Variants in IMPG1 observed in about 807,000 individuals in gnomAD.
The protein encoded by IMPG1 is interphotoreceptor matrix proteoglycan of 150 kDa.
A neutral mutation model predicts 92.0 loss-of-function variants in IMPG1; 85 were observed. The ratio of observed to expected loss-of-function variants is 0.92; its 90% CI spans 0.78 to 1.11. IMPG1 has a LOEUF of 1.11. Ranked by LOEUF, IMPG1 falls within the 50% of genes least tolerant of loss-of-function variation. IMPG1 has a pLI of 0.00. For synonymous variants in IMPG1, 367 were observed against 334.1 expected, an observed-to-expected ratio of 1.10 and a Z score of -1.08; for missense variants, 1,022 against 956.0, an observed-to-expected ratio of 1.07 and a Z score of -0.91.
chr6:76,023,048 A>G (rs942766650), intron 5 of IMPG1, among the ~76,000 whole-genome samples: 1 of 152,192 alleles, frequency 6.6e-6, no homozygotes, highest in Non-Finnish European at 1.5e-5. Flanking sequence ...TGCGGTCACA[A>G]GTGGTTACTT....
intron 1 of IMPG1, among the ~76,000 whole-genome samples, chr6:76,058,393 A>G (rs975298200): frequency 4.6e-5 from 7 of 152,192 alleles, no homozygotes; most frequent in African/African-American, 1.7e-4. Context: ...TGCTATAGCC[A>G]TCTTAGGAGT....
intron 1 of IMPG1, among the ~76,000 whole-genome samples, chr6:76,070,955 C>G (rs1328785886): frequency 6.6e-6 from 1 of 151,714 alleles, no homozygotes; most frequent in Non-Finnish European, 1.5e-5. Context: ...CACTTGTACT[C>G]CCTAAATCTA....
At chr6:76,005,100 C>T (rs543166500) in intron 10 of IMPG1, among the ~76,000 whole-genome samples, 187 bp downstream of exon 10, 4 of 152,052 alleles carry the variant, frequency 2.6e-5, no homozygotes, top group Non-Finnish European at 5.9e-5. Context: ...AAGTGGGTAC[C>T]AAAGACTCAT....
chr6:76,029,905 G>C (rs1256035701), intron 4 of IMPG1, among the ~76,000 whole-genome samples: 1 of 151,998 alleles, frequency 6.6e-6, no homozygotes, highest in Non-Finnish European at 1.5e-5. Context: ...TTTGGCTTTT[G>C]ATAAGGAGTC....
chr6:76,017,263 T>C (rs565775512), intron 7 of IMPG1, among the ~76,000 whole-genome samples: 1 of 151,456 alleles, frequency 6.6e-6, no homozygotes, highest in East Asian at 1.9e-4. Context: ...AGTAGCTGGA[T>C]TTATCCTGCA....
chr6:75,991,741 C>A (rs895829476), intron 12 of IMPG1, among the ~76,000 whole-genome samples: 3 of 152,190 alleles, frequency 2.0e-5, no homozygotes, highest in Admixed American at 2.0e-4. Flanking sequence ...CAAACACATT[C>A]TTTTATATTA....
chr6:75,968,593 CTTTCTCCA>C (rs935284897), intron 12 of IMPG1, among the ~76,000 whole-genome samples: 2 of 145,480 alleles, frequency 1.4e-5, no homozygotes, highest in Non-Finnish European at 3.0e-5. Flanking sequence ...TTTTTTTTTA[CTTTCTCCA>C]TCATTTACTA....
intron 9 of IMPG1, 129 bp downstream of exon 9, chr6:76,007,351 A>G: frequency 1.5e-6 from 1 of 647,452 alleles, no homozygotes; most frequent in Admixed American, 3.5e-5. Context: ...TTCCATTTAA[A>G]TAAGAAACCA....
chr6:76,053,593 C>T, intron 1 of IMPG1, among the ~76,000 whole-genome samples: 1 of 152,146 alleles, frequency 6.6e-6, no homozygotes, highest in East Asian at 1.9e-4. Flanking sequence ...CTGGTTCCAG[C>T]TGTACTGAGG....
chr6:75,997,962 C>T (rs1318625375), intron 12 of IMPG1, among the ~76,000 whole-genome samples: 1 of 152,082 alleles, frequency 6.6e-6, no homozygotes, highest in Non-Finnish European at 1.5e-5. Flanking sequence ...GGGAAAACTT[C>T]ACAGAGAAAG....
At chr6:75,986,184 G>A (rs1412317927) in intron 12 of IMPG1, among the ~76,000 whole-genome samples, 1 of 152,004 alleles carries the variant, frequency 6.6e-6, no homozygotes, top group Non-Finnish European at 1.5e-5. Context: ...CTTGAGTCCT[G>A]AGGTTTTGGC....
chr6:75,988,551 T>A lies in IMPG1; in HGVS notation c.1291+14367A>T, dbSNP rs1457704315. 4.6e-5 allele frequency among the ~76,000 whole-genome samples: 7 copies of A among 152,200 alleles called. No homozygotes were observed. In the East Asian group the frequency reaches 1.3e-3, roughly 29 times the overall value. ...TTTGGTGTTCTCACTCTTATTTCTA[T>A]GGGATACCACTGAAAATATTCAGCC... On this transcript the variant is annotated intron_variant, in intron 12 of 16. Transcript: ENST00000369950.
intron 14 of IMPG1, among the ~76,000 whole-genome samples, chr6:75,941,218 A>T (rs530497135): frequency 6.6e-6 from 1 of 152,308 alleles, no homozygotes; most frequent in East Asian, 1.9e-4. Flanking sequence ...CAGGTACCCA[A>T]ATCATGATTA....
intron 5 of IMPG1, chr6:76,024,864 G>A: frequency 2.4e-6 from 1 of 410,256 alleles, no homozygotes; most frequent in Non-Finnish European, 4.7e-6. Context: ...AGGTTAAGTG[G>A]AAAAAATGAT....
chr6:76,005,609 T>C (rs1783083095), intron 9 of IMPG1, 75 bp from the exon 10 acceptor site: 1 of 1,511,408 alleles, frequency 6.6e-7, no homozygotes, highest in Non-Finnish European at 9.0e-7. Flanking sequence ...ACTAGATTGC[T>C]ACAAAGCTTC....
rs563134111 is a variant in IMPG1, at chr6:76,014,586, A to G, written c.808-3362T>C. 4.6e-5 allele frequency among the ~76,000 whole-genome samples: 7 copies of G among 152,326 alleles called. No homozygotes were observed. In the East Asian group the frequency reaches 1.4e-3, roughly 29 times the overall value. ...AGGGAATTTGCCATGCTATTTCAGT[A>G]ACAGCTCCAGGGATTTAACATTTAA... On this transcript the variant is annotated intron_variant, in intron 7 of 16. Coordinates refer to ENST00000369950, the MANE Select transcript of IMPG1 (RefSeq NM_001563.4).
chr6:76,049,213 G>C (rs1188315488), intron 1 of IMPG1, among the ~76,000 whole-genome samples: 1 of 152,182 alleles, frequency 6.6e-6, no homozygotes, highest in Non-Finnish European at 1.5e-5. Flanking sequence ...TGGTTGGAGG[G>C]AGAGGATCAG....
At chr6:76,064,291 T>C (rs898839909) in intron 1 of IMPG1, among the ~76,000 whole-genome samples, 3 of 151,944 alleles carry the variant, frequency 2.0e-5, no homozygotes, top group African/African-American at 7.3e-5. Context: ...GTGTTCCTGT[T>C]GCATAGAACA....
chr6:76,000,148 C>T (rs997997797), intron 12 of IMPG1, among the ~76,000 whole-genome samples: 6 of 152,326 alleles, frequency 3.9e-5, no homozygotes, highest in African/African-American at 9.6e-5. Flanking sequence ...TTCCTCTTTA[C>T]ACAGCCTGTT....
Sources: allele counts gnomAD v4.1 joint callset (sites outside exome capture counted in the v4.1 genomes callset), GRCh38; gene constraint gnomAD v4.1.1; transcripts MANE v1.5; gene names NCBI Gene and HGNC (gene_info 2026-07-23, HGNC 2026-07-21).